The following TBC1D5 variants were observed in gnomAD, a reference collection of about 807,000 sequenced individuals.
TBC1D5 encodes TBC1 domain family, member 5.
TBC1D5 carries 75 observed loss-of-function variants against 100.3 expected under a neutral mutation model. The ratio of observed to expected loss-of-function variants is 0.75; its 90% CI spans 0.62 to 0.91. The LOEUF is 0.91. Ranked by LOEUF, TBC1D5 falls within the 40% of genes least tolerant of loss-of-function variation. The pLI, the probability that TBC1D5 is intolerant of heterozygous loss-of-function variation, is 0.00. For missense variants in TBC1D5, 910 were observed against 942.4 expected, an observed-to-expected ratio of 0.97 and a Z score of 0.45; for synonymous variants, 323 against 325.6, an observed-to-expected ratio of 0.99 and a Z score of 0.09.
intron 15 of TBC1D5, among the ~76,000 whole-genome samples, chr3:17,263,105 G>A (rs1343068171): frequency 2.0e-5 from 3 of 150,576 alleles, no homozygotes; most frequent in Non-Finnish European, 4.4e-5. Flanking sequence ...GGTACATGCT[G>A]CTGAGGCAGG....
intron 3 of TBC1D5, among the ~76,000 whole-genome samples, chr3:17,493,235 T>A (rs552698929): frequency 4.1e-4 from 63 of 152,104 alleles, no homozygotes; most frequent in South Asian, 1.0e-3. Flanking sequence ...GGAAATTATT[T>A]TTTTTTTTTT....
At chr3:17,631,771 A>G (rs373454310) in intron 1 of TBC1D5, among the ~76,000 whole-genome samples, 2 of 152,194 alleles carry the variant, frequency 1.3e-5, no homozygotes, top group African/African-American at 4.8e-5. Flanking sequence ...TTGCAGTGTG[A>G]TTTATTGAAC....
chr3:17,695,358 C>T (rs192535847), intron 1 of TBC1D5, among the ~76,000 whole-genome samples: 2 of 152,140 alleles, frequency 1.3e-5, no homozygotes, highest in Admixed American at 6.5e-5. Context: ...ACCCATCTCA[C>T]GTGCAATGAC....
chr3:17,625,445 C>T (rs965398307), intron 1 of TBC1D5, among the ~76,000 whole-genome samples: 1 of 151,898 alleles, frequency 6.6e-6, no homozygotes, highest in Non-Finnish European at 1.5e-5. Flanking sequence ...TATTCTCTTC[C>T]CTTCTCATAT....
intron 4 of TBC1D5, among the ~76,000 whole-genome samples, chr3:17,413,110 A>C (rs1404779722): frequency 2.6e-5 from 4 of 152,196 alleles, no homozygotes; most frequent in African/African-American, 4.8e-5. Context: ...TTCCTTAACA[A>C]AGCATTAGTG....
At chr3:17,407,251 G>C (rs1446644300) in intron 4 of TBC1D5, among the ~76,000 whole-genome samples, 1 of 152,070 alleles carries the variant, frequency 6.6e-6, no homozygotes, top group East Asian at 1.9e-4. Flanking sequence ...AAGTAAATCT[G>C]CTCTACTGGG....
chr3:17,373,256 G>A (rs1000225037), intron 12 of TBC1D5, among the ~76,000 whole-genome samples: 11 of 152,076 alleles, frequency 7.2e-5, no homozygotes, highest in Admixed American at 6.6e-5. Context: ...GAAAAACATC[G>A]ATTAACTATT....
At chr3:17,609,253 A>G (rs9821955) in intron 2 of TBC1D5, among the ~76,000 whole-genome samples, 60,790 of 152,086 alleles carry the variant, frequency 0.4, 12,841 homozygotes, top group Middle Eastern at 0.49. Context: ...CTGGTCAAAA[A>G]CTATCCTCAC....
intron 1 of TBC1D5, among the ~76,000 whole-genome samples, chr3:17,668,289 G>C (rs1267556534): frequency 2.0e-5 from 3 of 151,048 alleles, no homozygotes; most frequent in Admixed American, 2.0e-4. Context: ...CTACAGGGAG[G>C]GAAGAAAAGT....
intron 1 of TBC1D5, among the ~76,000 whole-genome samples, chr3:17,714,142 G>C (rs2075020290): frequency 6.6e-6 from 1 of 152,078 alleles, no homozygotes; most frequent in South Asian, 2.1e-4. Flanking sequence ...GTGTATATCT[G>C]TTCTAACCTG....
chr3:17,351,761 AC>A (rs1465882729), intron 13 of TBC1D5, among the ~76,000 whole-genome samples: 3 of 151,792 alleles, frequency 2.0e-5, no homozygotes, highest in Non-Finnish European at 4.4e-5. Context: ...ACATTTTATT[AC>A]ATTACCTACT....
At chr3:17,605,785 G>A (rs2153604386) in intron 2 of TBC1D5, among the ~76,000 whole-genome samples, 1 of 152,036 alleles carries the variant, frequency 6.6e-6, no homozygotes, top group East Asian at 1.9e-4. Flanking sequence ...AGTTTAAGGG[G>A]GAAATAAAGA....
At chr3:17,395,422 T>A (rs1163668629) in intron 8 of TBC1D5, among the ~76,000 whole-genome samples, 1 of 151,894 alleles carries the variant, frequency 6.6e-6, no homozygotes, top group African/African-American at 2.4e-5. Flanking sequence ...AAGAAAAAAA[T>A]TAAAAAAATA....
At chr3:17,623,826 T>G (rs1448490780) in intron 2 of TBC1D5, 23 bp downstream of exon 2, 1 of 152,162 alleles carries the variant, frequency 6.6e-6, no homozygotes, top group African/African-American at 2.4e-5. Flanking sequence ...CTGATCAAAA[T>G]CATTCAAGAA....
At chr3:17,474,668 C>A (rs1559967541) in intron 3 of TBC1D5, among the ~76,000 whole-genome samples, 1 of 152,100 alleles carries the variant, frequency 6.6e-6, no homozygotes, top group Non-Finnish European at 1.5e-5. Context: ...CAACAATTCA[C>A]ACTTAAATCT....
intron 14 of TBC1D5, among the ~76,000 whole-genome samples, chr3:17,297,066 T>C (rs2082324381): frequency 6.6e-6 from 1 of 152,220 alleles, no homozygotes; most frequent in African/African-American, 2.4e-5. Flanking sequence ...AGGCAGTAAG[T>C]AAGCAAGTAT....
At chr3:17,381,219 T>C (rs1461606240) in intron 9 of TBC1D5, among the ~76,000 whole-genome samples, 2 of 152,094 alleles carry the variant, frequency 1.3e-5, no homozygotes, top group Non-Finnish European at 2.9e-5. Context: ...GTGGGCCACA[T>C]ACATCACAAA....
At chr3:17,209,028 T>G (rs1195341662) in intron 18 of TBC1D5, among the ~76,000 whole-genome samples, 1 of 152,268 alleles carries the variant, frequency 6.6e-6, no homozygotes. Context: ...ATACAACTGT[T>G]CCTGTTATGA....
At chr3:17,689,855 C>G (rs988434140) in intron 1 of TBC1D5, among the ~76,000 whole-genome samples, 4 of 151,868 alleles carry the variant, frequency 2.6e-5, no homozygotes, top group Admixed American at 1.3e-4. Flanking sequence ...CTAAACCTAT[C>G]ATCCCTAAAC....
Sources: gnomAD v4.1 joint callset for allele counts (sites outside exome capture counted in the v4.1 genomes callset) on GRCh38, gnomAD v4.1.1 for gene constraint, MANE v1.5 for transcripts, NCBI Gene and HGNC (gene_info 2026-07-23, HGNC 2026-07-21) for gene names.